The following SSH3 variants were observed in gnomAD, a reference collection of about 807,000 sequenced individuals.
SSH3 encodes the protein slingshot protein phosphatase 3, also known as protein phosphatase Slingshot homolog 3.
A neutral mutation model predicts 75.0 loss-of-function variants in SSH3; 67 were observed. The observed-to-expected ratio is 0.89, with a 90% CI of 0.73 to 1.10. The LOEUF is 1.10. SSH3 is among the 50% of genes least tolerant of loss of function. The pLI, the probability that SSH3 is intolerant of heterozygous loss-of-function variation, is 0.00. For synonymous variants in SSH3, 318 were observed against 349.2 expected, an observed-to-expected ratio of 0.91 and a Z score of 1.00; for missense variants, 824 against 872.7, an observed-to-expected ratio of 0.94 and a Z score of 0.70.
rs752932854 is a variant in SSH3, at chr11:67,310,250, A to G, written c.1594A>G (p.Ile532Val). 1 of 1,614,222 alleles carries G rather than the reference A, an allele frequency of 6.2e-7. No individual in the cohort carries two copies. The highest frequency in any genetic ancestry group is 8.5e-7 in the Non-Finnish European group (1 of 1,180,040). The change falls in exon 13 of 14, where the codon ATA (isoleucine) becomes GTA (valine). Residue 532 changes from isoleucine to valine, a missense_variant. Transcript: ENST00000308127. ...AGAAGAGCCTGGGCCACGGCCACGT[A>G]TAAACCTCCGAGGGGTCATGAGGTC... ...PKEEPGPRPR[I>V]NLRGVMRSIS...
chr11:67,304,187 C>A, intron 2 of SSH3, 32 bp downstream of exon 2: 1 of 1,527,606 alleles, frequency 6.5e-7, no homozygotes, highest in Non-Finnish European at 9.0e-7. Flanking sequence ...CAGACACTTC[C>A]GTCTGCCCCG....
In SSH3 at chr11:67,308,279, C is replaced by T. The variant is rs370015186; in HGVS notation, c.991C>T (p.Arg331Cys). 12 of 1,614,016 alleles carry T rather than the reference C, an allele frequency of 7.4e-6. No individual in the cohort carries two copies. Among genetic ancestry groups the T allele is most frequent in the African/African-American group, 4.0e-5 (3 of 74,946 alleles). Reference sequence around the variant, plus strand: ...GGTGGCACAGCGGGACCGAGCCTCCCGCATCTTCCCCCACCTCTACCTGGT... The same window carrying T: ...GGTGGCACAGCGGGACCGAGCCTCCTGCATCTTCCCCCACCTCTACCTGGT... The part of the protein sequence containing the change: ...LLVAQRDRAS[R>C]IFPHLYLGSE... The change falls in exon 9 of 14, where the codon CGC becomes TGC. Residue 331 changes from arginine to cysteine, a missense_variant. Arg to Cys is a radical substitution (Grantham distance 180). Transcript: ENST00000308127. This position sits in a 1 kb window ranked among gnomAD's most constrained non-coding sequence, Gnocchi z 4.9.
chr11:67,311,167 A>G (rs926446599), intron 13 of SSH3, among the ~76,000 whole-genome samples: 3 of 152,160 alleles, frequency 2.0e-5, no homozygotes, highest in African/African-American at 4.8e-5. Context: ...GGGCGTTGCT[A>G]AAGGCAAGAG....
Position 67,306,858 on chromosome 11 carries a change from C to T in SSH3, c.360C>T (p.Pro120=). 6.2e-7 allele frequency: 1 copy of T among 1,612,352 alleles called. No homozygotes were observed. Among genetic ancestry groups the T allele is most frequent in the Non-Finnish European group, 8.5e-7 (1 of 1,178,998 alleles). ...CCCAGGCAGCCCAGCTGGAGGCACC[C>T]CGGCCTCCCCGGCTCCGCTACCTGC... is the stretch of plus-strand genomic sequence containing the variant. ...DIRLAAQLEA[P]RPPRLRYLLV... is the part of the protein sequence containing the mutation. Residue 120 remains proline, a synonymous_variant, in exon 4 of 14, where the codon CCC becomes CCT. Transcript: ENST00000308127.
rs1388863529 is a variant in SSH3 at position 67,310,343 on chromosome 11, A to T, written c.1683+4A>T. 6.2e-7 allele frequency: 1 copy of T among 1,600,420 alleles called. No homozygotes were observed. The highest frequency in any genetic ancestry group is 8.5e-7 in the Non-Finnish European group (1 of 1,171,508). On this transcript the variant is annotated splice_donor_region_variant and intron_variant, in intron 13 of 13. Transcript: ENST00000308127. ...AGAGACCAGTGACATGCCAGAGGTGAGGCTGGGGCTGGGGGAGCTCAGCTT... is the reference window on the plus strand; with the variant it reads ...AGAGACCAGTGACATGCCAGAGGTGTGGCTGGGGCTGGGGGAGCTCAGCTT...
chr11:67,311,969 A>G lies in SSH3; in HGVS notation c.*82A>G, dbSNP rs1861426028. On this transcript the variant is annotated 3_prime_UTR_variant, in exon 14 of 14. Transcript: ENST00000308127. Reference sequence around the variant, plus strand: ...GAAACACCCTCACGTCTGTTGCCGCACACATTCCTCTCAGCTCCGCCCCAT... The same window carrying G: ...GAAACACCCTCACGTCTGTTGCCGCGCACATTCCTCTCAGCTCCGCCCCAT... The G allele has an allele frequency of 6.4e-7, 1 of 1,563,658 alleles. No individual in the cohort carries two copies. The highest frequency in any genetic ancestry group is 8.6e-7 in the Non-Finnish European group (1 of 1,158,858).
chr11:67,309,190 A>ATG, intron 10 of SSH3: 1 of 606,078 alleles, frequency 1.6e-6, no homozygotes, highest in Non-Finnish European at 2.9e-6. Context: ...TCTGGACCAG[A>ATG]TGGGGAAACA....
In SSH3 at chr11:67,309,984, GA is replaced by G; in HGVS notation, c.1409+17del. The stretch of plus-strand genomic sequence containing the variant: ...TGACGGCCAGGTATGGGATGGGAGC[GA>G]GTGGCAGGGGGTGAGTAGGTGGGTT... On this transcript the variant is annotated intron_variant, in intron 12 of 13. Transcript: ENST00000308127. The G allele has an allele frequency of 6.2e-7, 1 of 1,610,288 alleles. No individual in the cohort carries two copies. The highest frequency in any genetic ancestry group is 8.5e-7 in the Non-Finnish European group (1 of 1,179,758).
chr11:67,308,530 C>A lies in SSH3; in HGVS notation c.1061+72C>A. ...CTGGCCTCCCCGCATTGGGTGGTAG[C>A]CAGCTTCAAAAACCCCTGGACCACC... is the stretch of plus-strand genomic sequence containing the variant. On this transcript the variant is annotated intron_variant, in intron 10 of 13. Transcript: ENST00000308127. This position sits in a 1 kb window ranked among gnomAD's most constrained non-coding sequence, Gnocchi z 4.9. The A allele has an allele frequency of 1.3e-6, 2 of 1,536,520 alleles. No homozygotes were observed. The highest frequency in any genetic ancestry group is 1.8e-6 in the Non-Finnish European group (2 of 1,136,578).
rs1861315565 is a variant in SSH3 at position 67,308,496 on chromosome 11, TC to T, written c.1061+41del. 2 of 1,553,898 alleles carry T rather than the reference TC, an allele frequency of 1.3e-6. No individual in the cohort carries two copies. Among genetic ancestry groups the T allele is most frequent in the South Asian group, 2.4e-5 (2 of 84,840 alleles). ...GCCCCTCGGGCCACCCACCCCATCTTCCCTTCTCCTGGCCTCCCCGCATTGG... is the reference window on the plus strand; with the variant it reads ...GCCCCTCGGGCCACCCACCCCATCTTCCTTCTCCTGGCCTCCCCGCATTGG... On this transcript the variant is annotated intron_variant, in intron 10 of 13. Transcript: ENST00000308127. This position sits in a 1 kb window ranked among gnomAD's most constrained non-coding sequence, Gnocchi z 4.9.
rs1861193253 is a variant in SSH3, at chr11:67,305,026, C to CT, written c.339+20dup. 5 of 1,587,492 alleles carry CT rather than the reference C, an allele frequency of 3.1e-6. No homozygotes were observed. The highest frequency in any genetic ancestry group is 4.3e-6 in the Non-Finnish European group (5 of 1,169,008). The stretch of plus-strand genomic sequence containing the variant: ...CCGCCTGGTGAGGGCCCATGTGGAG[C>CT]TCCGGGGGGTGGGGGGAAGAGACAC... On this transcript the variant is annotated intron_variant, in intron 3 of 13. Coordinates refer to ENST00000308127, the MANE Select transcript of SSH3 (RefSeq NM_017857.4).
Position 67,306,930 on chromosome 11 carries a change from G to T in SSH3, c.432G>T (p.Thr144=). 6.2e-7 allele frequency: 1 copy of T among 1,613,198 alleles called. No homozygotes were observed. The highest frequency in any genetic ancestry group is 8.5e-7 in the Non-Finnish European group (1 of 1,179,304). ...REGEGLSQDE[T]VLLGVDFPDS... is the part of the protein sequence containing the mutation. ...GAGAAGGTCTGAGCCAGGATGAGAC[G>T]GTCCTCCTGGGCGTGGATTTCCCTG... Residue 144 remains threonine (T), a synonymous_variant, in exon 4 of 14, where the codon ACG becomes ACT. Coordinates refer to ENST00000308127, the MANE Select transcript of SSH3 (RefSeq NM_017857.4).
Position 67,304,232 on chromosome 11 carries a change from G to C in SSH3, c.104+77G>C, listed in dbSNP as rs1486423198. 10 of 1,186,834 alleles carry C rather than the reference G, an allele frequency of 8.4e-6. No homozygotes were observed. The African/African-American group carries it at 1.5e-4, about 18-fold the overall frequency. The allele number at this position is 1,186,834 out of a possible 1,614,324, so 73.5% of individuals were successfully genotyped here. A position where few individuals can be genotyped will look rare whatever the true frequency, so the allele number is the denominator to read the frequency against. On this transcript the variant is annotated intron_variant, in intron 2 of 13. Transcript: ENST00000308127. ...ACGGCCGTCCTGGGCTCCAGCTGCA[G>C]GGACAGAAAGCTCCCCGGAGGACGC...
At chr11:67,309,313 G>A (rs961239602) in intron 10 of SSH3, 84 bp from the exon 11 acceptor site, 9 of 1,561,010 alleles carry the variant, frequency 5.8e-6, no homozygotes, top group African/African-American at 2.7e-5. Context: ...GAGCTAAAGC[G>A]AGGCCCAGGG....
rs999925365 is a variant in SSH3 at position 67,312,402 on chromosome 11, C to G, written c.*515C>G. On this transcript the variant is annotated 3_prime_UTR_variant, in exon 14 of 14. Transcript: ENST00000308127. ...CGGGAGGCTGGAAGGGCTGGCAGAT[C>G]GCTTCCCTCATCCACCTCCACCGGT... 1 of 163,042 alleles carries G rather than the reference C, an allele frequency of 6.1e-6. No homozygotes were observed. The highest frequency in any genetic ancestry group is 1.3e-5 in the Non-Finnish European group (1 of 75,660). 10.1% of individuals were successfully genotyped at this position (163,042 alleles called of 1,614,324 possible).
intron 13 of SSH3, among the ~76,000 whole-genome samples, chr11:67,311,241 G>A (rs76652814): frequency 0.024 from 3,617 of 152,308 alleles, 154 homozygotes; most frequent in African/African-American, 0.082. Context: ...TGCCGGCACG[G>A]GTTTCACCTG....
Position 67,310,142 on chromosome 11 carries a change from C to T in SSH3, c.1486C>T (p.Pro496Ser). 2 of 1,614,206 alleles carry T rather than the reference C, an allele frequency of 1.2e-6. No individual in the cohort carries two copies. Among genetic ancestry groups the T allele is most frequent in the East Asian group, 2.2e-5 (1 of 44,892 alleles). Residue 496 changes from proline to serine, a missense_variant, in exon 13 of 14, where the codon CCA becomes TCA. Pro to Ser is a moderately conservative substitution (Grantham distance 74, BLOSUM62 -1). Transcript: ENST00000308127. Reference protein sequence around the residue: ...EEHPAPEVSTPFPPLPPEPEG... With the variant: ...EEHPAPEVSTSFPPLPPEPEG... ...GCACCCAGCCCCTGAAGTCTCTACA[C>T]CATTCCCACCTCTTCCGCCAGAACC...
Position 67,310,292 on chromosome 11 carries a change from C to G in SSH3, c.1636C>G (p.Pro546Ala). 6.2e-7 allele frequency: 1 copy of G among 1,613,972 alleles called. No individual in the cohort carries two copies. The highest frequency in any genetic ancestry group is 8.5e-7 in the Non-Finnish European group (1 of 1,179,876). ...CATGAGGTCCATCAGTCTTCTGGAG[C>G]CCTCCTTGGAGCTGGAGAGCACCTC... ...GVMRSISLLEPSLELESTSET... is the reference protein window; with the variant it reads ...GVMRSISLLEASLELESTSET... Residue 546 changes from proline to alanine, a missense_variant, in exon 13 of 14, where the codon CCC (proline) becomes GCC (alanine). By Grantham distance (27) the Pro-to-Ala change is conservative. Coordinates refer to ENST00000308127, the MANE Select transcript of SSH3 (RefSeq NM_017857.4).
In SSH3 at chr11:67,307,391, G is replaced by C; in HGVS notation, c.557G>C (p.Gly186Ala). 1 of 1,614,054 alleles carries C rather than the reference G, an allele frequency of 6.2e-7. No homozygotes were observed. Among genetic ancestry groups the C allele is most frequent in the Non-Finnish European group, 8.5e-7 (1 of 1,180,026 alleles). The change falls in exon 6 of 14, where the codon GGT becomes GCT. Residue 186 changes from glycine to alanine, a missense_variant. Transcript: ENST00000308127. The surrounding 1 kb of genome is among the most constrained non-coding windows in gnomAD (Gnocchi z 4.2). Reference protein sequence around the residue: ...DGDGGFSVTSGGQSRIFKPIS... With the variant: ...DGDGGFSVTSAGQSRIFKPIS... ...TGCAGGGGCTTCAGCGTGACGTCTG[G>C]TGGGCAAAGCCGGATCTTCAAGCCC...
Sources: gnomAD v4.1 joint callset for allele counts (sites outside exome capture counted in the v4.1 genomes callset) on GRCh38, gnomAD v4.1.1 for gene constraint, Gnocchi (gnomAD v3.1) non-coding constraint, MANE v1.5 for transcripts, NCBI Gene and HGNC (gene_info 2026-07-23, HGNC 2026-07-21) for gene names.